CCDC178: variants seen among roughly 807,000 people sequenced by gnomAD.
The protein encoded by CCDC178 is coiled-coil domain-containing protein 178.
Under a neutral mutation model 117.4 loss-of-function variants are expected in CCDC178, and 126 were observed. The observed-to-expected ratio is 1.07, with a 90% CI of 0.93 to 1.24. CCDC178 has a LOEUF of 1.24. CCDC178 is among the 50% of genes most tolerant of loss of function. The probability of loss-of-function intolerance (pLI) is 0.00; values close to 1 mark genes in which losing one functional copy is unlikely to be tolerated. For synonymous variants in CCDC178, 283 were observed against 313.4 expected, an observed-to-expected ratio of 0.90 and a Z score of 1.02; for missense variants, 1,030 against 986.9, an observed-to-expected ratio of 1.04 and a Z score of -0.59.
At chr18:33,030,545 A>ATAGATAGT (rs1349854930) in intron 21 of CCDC178, among the ~76,000 whole-genome samples, 42 of 152,028 alleles carry the variant, frequency 2.8e-4, no homozygotes, top group Non-Finnish European at 5.2e-4. Flanking sequence ...AGATAGATAG[A>ATAGATAGT]TAGATAGATA....
At chr18:33,208,170 T>G (rs181404968) in intron 20 of CCDC178, among the ~76,000 whole-genome samples, 1 of 152,218 alleles carries the variant, frequency 6.6e-6, no homozygotes, top group Admixed American at 6.5e-5. Context: ...AAAAGTACTT[T>G]TAAAAGAAAT....
At position 33,361,308 on chromosome 18, in the gene CCDC178, C is replaced by G. The variant is rs577989263; in HGVS notation, c.349-4962G>C. On this transcript the variant is annotated intron_variant, in intron 6 of 22. Transcript: ENST00000383096. ...TCTATCACCAACAGAATGAAATTGG[C>G]TCTTATCTTAAACAATACACAAAAA... is the stretch of plus-strand genomic sequence containing the variant. Among the ~76,000 whole-genome samples the G allele has an allele frequency of 4.6e-5, 7 of 151,712 alleles. No individual in the cohort carries two copies. The South Asian group carries it at 1.0e-3, about 22-fold the overall frequency.
At chr18:33,359,122 G>T (rs924305275) in intron 6 of CCDC178, among the ~76,000 whole-genome samples, 17 of 151,750 alleles carry the variant, frequency 1.1e-4, no homozygotes, top group Non-Finnish European at 1.5e-5. Flanking sequence ...AGAGTCAGGG[G>T]AAAATTGGTT....
chr18:33,371,311 G>A (rs961636116), intron 5 of CCDC178, among the ~76,000 whole-genome samples: 8 of 151,688 alleles, frequency 5.3e-5, no homozygotes, highest in Non-Finnish European at 1.2e-4. Flanking sequence ...ATATATAAAT[G>A]ACCTTTTTAT....
At chr18:33,131,986 GTTTC>G (rs1239373092) in intron 20 of CCDC178, among the ~76,000 whole-genome samples, 83 of 145,372 alleles carry the variant, frequency 5.7e-4, no homozygotes, top group African/African-American at 2.1e-3. Context: ...TTGTTTGTTT[GTTTC>G]TTTGTTTTTT....
intron 2 of CCDC178, among the ~76,000 whole-genome samples, chr18:33,420,516 G>T (rs1213628433): frequency 6.6e-6 from 1 of 152,004 alleles, no homozygotes; most frequent in Non-Finnish European, 1.5e-5. Flanking sequence ...CCAACACTCG[G>T]CTAATTTTCT....
chr18:33,129,155 A>T (rs2144248022), intron 20 of CCDC178, among the ~76,000 whole-genome samples: 1 of 152,248 alleles, frequency 6.6e-6, no homozygotes, highest in Non-Finnish European at 1.5e-5. Flanking sequence ...AGGAATTAAA[A>T]ATACATGAAA....
chr18:32,963,624 C>T lies in CCDC178; in HGVS notation c.2523+10923G>A, dbSNP rs141563479. Among the ~76,000 whole-genome samples, 55 of 152,012 alleles carry T rather than the reference C, an allele frequency of 3.6e-4. 1 individual carries two copies. In the East Asian group the frequency reaches 0.01, roughly 29 times the overall value. On this transcript the variant is annotated intron_variant, in intron 22 of 22. Coordinates refer to ENST00000383096, the MANE Select transcript of CCDC178 (RefSeq NM_001105528.4). ...TCTTTGCTCCCTGTTTATATAACCC[C>T]CTGACTACCTTTTGTCGATGTACCC...
chr18:32,986,431 G>A (rs1352659251), intron 21 of CCDC178, among the ~76,000 whole-genome samples: 1 of 151,986 alleles, frequency 6.6e-6, no homozygotes, highest in Non-Finnish European at 1.5e-5. Flanking sequence ...TGGGACACAA[G>A]TTTTATAGAG....
intron 21 of CCDC178, among the ~76,000 whole-genome samples, chr18:33,046,250 T>C (rs923759900): frequency 6.6e-6 from 1 of 152,120 alleles, no homozygotes; most frequent in Non-Finnish European, 1.5e-5. Context: ...TGCATCTAGG[T>C]CTAAAAATCT....
chr18:33,233,024 TTGAG>T (rs906688710), intron 15 of CCDC178, among the ~76,000 whole-genome samples: 4 of 152,186 alleles, frequency 2.6e-5, no homozygotes, highest in Non-Finnish European at 4.4e-5. Context: ...TAAATATTTA[TTGAG>T]TATCTGTATA....
intron 11 of CCDC178, among the ~76,000 whole-genome samples, chr18:33,306,558 TA>T (rs1259449892): frequency 2.0e-5 from 2 of 100,904 alleles, no homozygotes; most frequent in Middle Eastern, 3.9e-3. Context: ...GTTATATATA[TA>T]TGGTTATATA....
intron 20 of CCDC178, among the ~76,000 whole-genome samples, chr18:33,125,450 TAAA>T (rs2057992899): frequency 6.6e-6 from 1 of 152,182 alleles, no homozygotes; most frequent in Admixed American, 6.6e-5. Flanking sequence ...ATGATAATCT[TAAA>T]AAACACCTAA....
chr18:33,227,542 G>C (rs955959064), intron 15 of CCDC178, among the ~76,000 whole-genome samples: 1 of 67,562 alleles, frequency 1.5e-5, no homozygotes, highest in Non-Finnish European at 2.9e-5. Flanking sequence ...ATGTGTGTGT[G>C]TGTGTGTGTG....
intron 20 of CCDC178, among the ~76,000 whole-genome samples, chr18:33,124,766 G>A (rs1054845287): frequency 6.6e-6 from 1 of 152,122 alleles, no homozygotes; most frequent in Non-Finnish European, 1.5e-5. Flanking sequence ...CCTGTTATTT[G>A]CTTTTCTCCA....
chr18:33,099,857 C>A (rs2057598563), intron 20 of CCDC178, among the ~76,000 whole-genome samples: 1 of 152,032 alleles, frequency 6.6e-6, no homozygotes, highest in South Asian at 2.1e-4. Context: ...GGAAACCATT[C>A]TCTTGTCCAA....
At chr18:33,034,675 T>C (rs928754995) in intron 21 of CCDC178, among the ~76,000 whole-genome samples, 2 of 152,174 alleles carry the variant, frequency 1.3e-5, no homozygotes, top group African/African-American at 2.4e-5. Flanking sequence ...GTCTTTGTTG[T>C]GTACACAATG....
chr18:33,405,132 T>G (rs1335644519), intron 3 of CCDC178, among the ~76,000 whole-genome samples: 1 of 151,942 alleles, frequency 6.6e-6, no homozygotes, highest in South Asian at 2.1e-4. Context: ...TTTAAAAAGC[T>G]AAACACAGTA....
chr18:33,245,204 T>C (rs540107920), intron 15 of CCDC178, 41 bp downstream of exon 15: 2 of 1,450,838 alleles, frequency 1.4e-6, no homozygotes, highest in South Asian at 3.1e-5. Context: ...TAAATTACTC[T>C]TTTTTTCATC....
Sources: allele counts gnomAD v4.1 joint callset (sites outside exome capture counted in the v4.1 genomes callset), GRCh38; gene constraint gnomAD v4.1.1; transcripts MANE v1.5; gene names NCBI Gene and HGNC (gene_info 2026-07-23, HGNC 2026-07-21).